The following SLCO1A2 variants were observed in gnomAD, a reference collection of about 807,000 sequenced individuals.
The protein encoded by SLCO1A2 is solute carrier organic anion transporter family member 1A2.
Under a neutral mutation model 69.0 loss-of-function variants are expected in SLCO1A2, and 67 were observed. The observed-to-expected ratio is 0.97, with a 90% CI of 0.80 to 1.19. The LOEUF (loss-of-function observed/expected upper bound fraction) is 1.19. Ranked by LOEUF, SLCO1A2 falls within the 50% of genes most tolerant of loss-of-function variation. The pLI, the probability that SLCO1A2 is intolerant of heterozygous loss-of-function variation, is 0.00. For missense variants in SLCO1A2, 787 were observed against 793.7 expected (o/e 0.99, Z 0.10); for synonymous variants, 260 against 265.9 (o/e 0.98, Z 0.22).
At chr12:21,309,117 C>G (rs1410159006) in intron 4 of SLCO1A2, among the ~76,000 whole-genome samples, 1 of 151,982 alleles carries the variant, frequency 6.6e-6, no homozygotes, top group East Asian at 1.9e-4. Flanking sequence ...GAAAGCCATT[C>G]AAAGGCATGG....
intron 12 of SLCO1A2, among the ~76,000 whole-genome samples, chr12:21,283,638 A>G (rs1470725489): frequency 6.6e-6 from 1 of 152,228 alleles, no homozygotes; most frequent in Non-Finnish European, 1.5e-5. Context: ...GACAACTCAC[A>G]GAATGAGAGA....
At chr12:21,393,475 A>G (rs899308748) in intron 1 of SLCO1A2, among the ~76,000 whole-genome samples, 1 of 152,224 alleles carries the variant, frequency 6.6e-6, no homozygotes, top group Admixed American at 6.5e-5. Flanking sequence ...TAAAATTCTC[A>G]AAAATATTTA....
intron 1 of SLCO1A2, among the ~76,000 whole-genome samples, chr12:21,406,117 T>A (rs1322399759): frequency 6.6e-6 from 1 of 152,222 alleles, no homozygotes; most frequent in Non-Finnish European, 1.5e-5. Flanking sequence ...TAAGAGGGAA[T>A]CCTTTTCTTT....
rs1214475847 is a variant in SLCO1A2, at chr12:21,267,390, T to G, written c.*2158A>C. 1.3e-5 allele frequency: 2 copies of G among 152,116 alleles called. No homozygotes were observed. Among genetic ancestry groups the G allele is most frequent in the Non-Finnish European group, 2.9e-5 (2 of 68,018 alleles). The allele number at this position is 152,116 out of a possible 1,614,324, so 9.4% of individuals were successfully genotyped here. On this transcript the variant is annotated 3_prime_UTR_variant, in exon 15 of 15. Coordinates refer to ENST00000683939, the MANE Select transcript of SLCO1A2 (RefSeq NM_001386879.1). ...GGATGATGAATGGGCCTCAGGAGCT[T>G]GAGTAAGTTTTTGCTTATTCAGTTT...
chr12:21,395,716 C>A (rs1941422841), upstream of SLCO1A2, among the ~76,000 whole-genome samples: 1 of 152,196 alleles, frequency 6.6e-6, no homozygotes, highest in Admixed American at 6.5e-5. Context: ...TCCCTGACCC[C>A]TGACCCCCGA....
intron 4 of SLCO1A2, 70 bp from the exon 5 acceptor site, chr12:21,307,058 T>G (rs772197176): frequency 1.1e-5 from 11 of 1,015,038 alleles, no homozygotes; most frequent in Non-Finnish European, 1.5e-5. Flanking sequence ...ATGTGCAGAT[T>G]GTTACCTTCT....
chr12:21,264,782 CA>C lies in SLCO1A2; in HGVS notation c.*4765del, dbSNP rs1332559229. 2.0e-5 allele frequency: 3 copies of C among 152,154 alleles called. No individual in the cohort carries two copies. Among genetic ancestry groups the C allele is most frequent in the Admixed American group, 2.0e-4 (3 of 15,264 alleles). The allele number at this position is 152,154 out of a possible 1,614,324, so 9.4% of individuals were successfully genotyped here. ...ATGACCTTTCTTAAGGGTAAGAAGACACTGCCAAAGAGGCCTCTGACCACAG... is the reference window on the plus strand; with the variant it reads ...ATGACCTTTCTTAAGGGTAAGAAGACCTGCCAAAGAGGCCTCTGACCACAG... On this transcript the variant is annotated 3_prime_UTR_variant, in exon 15 of 15. Coordinates refer to ENST00000683939, the MANE Select transcript of SLCO1A2 (RefSeq NM_001386879.1).
At chr12:21,314,716 T>C (rs1163560144) in intron 3 of SLCO1A2, 35 bp from the exon 4 acceptor site, 2 of 1,505,540 alleles carry the variant, frequency 1.3e-6, no homozygotes, top group Non-Finnish European at 1.8e-6. Context: ...TTTTAAAAAG[T>C]ATGAACAAAG....
Position 21,330,704 on chromosome 12 carries a change from T to G in SLCO1A2, c.60+3884A>C, listed in dbSNP as rs1335955946. On this transcript the variant is annotated intron_variant, in intron 2 of 14. Transcript: ENST00000683939. ...TTAAAGTCCTTGCATTAAGAGTAACTCAACATTTTTAATAAATCTTGTTCT... is the reference window on the plus strand; with the variant it reads ...TTAAAGTCCTTGCATTAAGAGTAACGCAACATTTTTAATAAATCTTGTTCT... 2.0e-5 allele frequency among the ~76,000 whole-genome samples: 3 copies of G among 152,170 alleles called. No homozygotes were observed. The East Asian group carries it at 5.8e-4, about 29-fold the overall frequency.
intron 1 of SLCO1A2, among the ~76,000 whole-genome samples, chr12:21,404,756 A>C (rs1941794767): frequency 6.6e-6 from 1 of 152,182 alleles, no homozygotes; most frequent in Non-Finnish European, 1.5e-5. Flanking sequence ...ATACCCACTA[A>C]AGGGATTGCT....
At chr12:21,359,633 G>A (rs1053099275) in intron 2 of SLCO1A2, among the ~76,000 whole-genome samples, 1 of 152,098 alleles carries the variant, frequency 6.6e-6, no homozygotes, top group Non-Finnish European at 1.5e-5. Context: ...TGTGGTCCCA[G>A]CTACTCGGGA....
At chr12:21,296,830 G>A (rs1947784578) in intron 9 of SLCO1A2, among the ~76,000 whole-genome samples, 1 of 152,176 alleles carries the variant, frequency 6.6e-6, no homozygotes, top group Non-Finnish European at 1.5e-5. Context: ...GCTTTCACAA[G>A]CACTTTAGGT....
chr12:21,362,207 GAA>G (rs2137051898), intron 2 of SLCO1A2, among the ~76,000 whole-genome samples: 1 of 152,260 alleles, frequency 6.6e-6, no homozygotes, highest in East Asian at 1.9e-4. Context: ...TCTCTCGGCA[GAA>G]ACTCTACAAG....
At chr12:21,402,900 T>C (rs1941752553) in intron 1 of SLCO1A2, among the ~76,000 whole-genome samples, 1 of 152,174 alleles carries the variant, frequency 6.6e-6, no homozygotes, top group Admixed American at 6.5e-5. Context: ...AATGTTCTCA[T>C]TTTTGAATTT....
upstream of SLCO1A2, among the ~76,000 whole-genome samples, chr12:21,418,935 G>T (rs1942033626): frequency 6.6e-6 from 1 of 152,150 alleles, no homozygotes; most frequent in Non-Finnish European, 1.5e-5. Context: ...AAAAAATTAA[G>T]AATAATATTT....
intron 2 of SLCO1A2, among the ~76,000 whole-genome samples, chr12:21,341,330 C>G (rs192284619): frequency 1.6e-3 from 245 of 152,008 alleles, no homozygotes; most frequent in African/African-American, 5.6e-3. Context: ...AGTGGATAAT[C>G]CTGTGGTTGA....
intron 1 of SLCO1A2, among the ~76,000 whole-genome samples, chr12:21,388,504 A>G (rs1039535373): frequency 5.3e-5 from 8 of 152,276 alleles, no homozygotes; most frequent in Non-Finnish European, 1.0e-4. Context: ...GCCTGCCACC[A>G]TGTAAGATGT....
At chr12:21,310,177 A>G (rs1374647674) in intron 4 of SLCO1A2, among the ~76,000 whole-genome samples, 1 of 152,248 alleles carries the variant, frequency 6.6e-6, no homozygotes, top group Non-Finnish European at 1.5e-5. Flanking sequence ...ACACTAATGT[A>G]TAGACATATC....
chr12:21,354,947 C>T (rs1938244760), intron 2 of SLCO1A2: 1 of 152,208 alleles, frequency 6.6e-6, no homozygotes, highest in South Asian at 2.1e-4. Context: ...GGATTATATA[C>T]TCTATGGGCA....
Sources: allele counts gnomAD v4.1 joint callset (sites outside exome capture counted in the v4.1 genomes callset), GRCh38; gene constraint gnomAD v4.1.1; transcripts MANE v1.5; gene names NCBI Gene and HGNC (gene_info 2026-07-23, HGNC 2026-07-21).